Variants in NCKAP5 observed in about 807,000 individuals in gnomAD.
NCKAP5 encodes the protein NCK associated protein 5.
In NCKAP5, 92 loss-of-function variants were observed where a neutral mutation model predicts 167.0. That is an observed-to-expected ratio of 0.55 (90% confidence interval 0.47 to 0.66). NCKAP5 has a LOEUF of 0.66. Among genes scored for constraint, NCKAP5 ranks in the 30% least tolerant of loss-of-function variants. NCKAP5 has a pLI of 0.00. For synonymous variants in NCKAP5, 891 were observed against 877.4 expected (o/e 1.02, Z -0.27); for missense variants, 2,378 against 2,315.0 (o/e 1.03, Z -0.56).
intron 19 of NCKAP5, among the ~76,000 whole-genome samples, chr2:132,708,659 C>T (rs568535657): frequency 1.8e-4 from 27 of 152,280 alleles, no homozygotes; most frequent in East Asian, 9.7e-4. Flanking sequence ...GACACAAGCC[C>T]GGCTGGCTTC....
chr2:133,110,803 C>A (rs75241920), intron 6 of NCKAP5, among the ~76,000 whole-genome samples: 8,203 of 152,228 alleles, frequency 0.054, 233 homozygotes, highest in African/African-American at 0.06. Flanking sequence ...ATACCACAGA[C>A]TGGGGGGCTT....
At chr2:133,377,696 G>A (rs72989650) in intron 3 of NCKAP5, among the ~76,000 whole-genome samples, 7 of 152,310 alleles carry the variant, frequency 4.6e-5, no homozygotes, top group South Asian at 2.1e-4. Context: ...ACCACCTACC[G>A]TGTGCAAAGC....
At chr2:132,721,603 C>G (rs558686819) in intron 19 of NCKAP5, among the ~76,000 whole-genome samples, 7 of 152,318 alleles carry the variant, frequency 4.6e-5, no homozygotes, top group African/African-American at 1.7e-4. Context: ...TTGTCTTTCT[C>G]CTGTTTCTAT....
intron 19 of NCKAP5, among the ~76,000 whole-genome samples, chr2:132,684,221 G>A (rs10189227): frequency 0.028 from 4,242 of 152,292 alleles, 190 homozygotes; most frequent in African/African-American, 0.096. Flanking sequence ...TGTCTGCCCT[G>A]CATGGCTGTG....
At chr2:132,974,634 T>C (rs868358966) in intron 7 of NCKAP5, among the ~76,000 whole-genome samples, 10 of 152,208 alleles carry the variant, frequency 6.6e-5, no homozygotes, top group Non-Finnish European at 1.5e-4. Flanking sequence ...TTTTGGACTT[T>C]GACATGCATG....
intron 19 of NCKAP5, among the ~76,000 whole-genome samples, chr2:132,681,456 T>G (rs1685219364): frequency 6.6e-6 from 1 of 152,114 alleles, no homozygotes; most frequent in African/African-American, 2.4e-5. Flanking sequence ...GCTTGTAGCA[T>G]AAAAAGTCCG....
At chr2:133,470,642 G>A (rs1325976396) in intron 3 of NCKAP5, among the ~76,000 whole-genome samples, 1 of 152,214 alleles carries the variant, frequency 6.6e-6, no homozygotes, top group African/African-American at 2.4e-5. Flanking sequence ...ATCTCAGACT[G>A]CTGTGCTAGT....
At chr2:132,749,079 C>T (rs80332128) in intron 16 of NCKAP5, among the ~76,000 whole-genome samples, 2,789 of 152,138 alleles carry the variant, frequency 0.018, 82 homozygotes, top group African/African-American at 0.064. Context: ...GAAGTCGAGA[C>T]TTTTTGTCAG....
intron 3 of NCKAP5, among the ~76,000 whole-genome samples, chr2:133,353,672 G>T (rs1404831330): frequency 6.6e-6 from 1 of 152,116 alleles, no homozygotes; most frequent in African/African-American, 2.4e-5. Context: ...CAGATGAGGT[G>T]GTGAGAAAAG....
intron 3 of NCKAP5, among the ~76,000 whole-genome samples, chr2:133,406,413 G>A (rs1012770327): frequency 6.6e-6 from 1 of 152,154 alleles, no homozygotes; most frequent in African/African-American, 2.4e-5. Context: ...AACTGCAGTA[G>A]GTGAGAAGAG....
chr2:133,234,476 C>G (rs115318629), intron 4 of NCKAP5, among the ~76,000 whole-genome samples: 2,139 of 152,288 alleles, frequency 0.014, 54 homozygotes, highest in African/African-American at 0.049. Context: ...TACGGCAGAT[C>G]TAGGTCTCCA....
chr2:132,916,567 A>G (rs1694896166), intron 8 of NCKAP5, among the ~76,000 whole-genome samples: 2 of 152,096 alleles, frequency 1.3e-5, no homozygotes, highest in African/African-American at 4.8e-5. Flanking sequence ...TTTCTGTATT[A>G]ACTGTATAAA....
At chr2:133,204,116 A>G (rs1223973396) in intron 5 of NCKAP5, among the ~76,000 whole-genome samples, 1 of 152,194 alleles carries the variant, frequency 6.6e-6, no homozygotes, top group Non-Finnish European at 1.5e-5. Context: ...ATGAAAAAAC[A>G]TATTCTCTAA....
At chr2:132,790,232 AGGGCTTTG>A (rs748115030) in intron 12 of NCKAP5, 27 bp from the exon 13 acceptor site, 50 of 1,595,848 alleles carry the variant, frequency 3.1e-5, no homozygotes, top group Admixed American at 8.7e-5. Flanking sequence ...GCTCTGAGCA[AGGGCTTTG>A]CTCAGAGGAG....
chr2:133,558,406 G>A (rs1007666677), intron 2 of NCKAP5, among the ~76,000 whole-genome samples: 10 of 152,046 alleles, frequency 6.6e-5, no homozygotes, highest in African/African-American at 2.2e-4. Context: ...AAATGGTGTA[G>A]AGGGAAGAAC....
At chr2:133,393,453 T>G (rs896021627) in intron 3 of NCKAP5, among the ~76,000 whole-genome samples, 6 of 152,300 alleles carry the variant, frequency 3.9e-5, no homozygotes, top group African/African-American at 1.4e-4. Context: ...CACTGAAGTG[T>G]GAGCAACAGT....
chr2:133,552,804 G>C (rs933120661), intron 2 of NCKAP5, among the ~76,000 whole-genome samples: 1 of 151,748 alleles, frequency 6.6e-6, no homozygotes, highest in Non-Finnish European at 1.5e-5. Context: ...AGCCATGAGG[G>C]GGAAAGAAAG....
intron 8 of NCKAP5, among the ~76,000 whole-genome samples, chr2:132,959,071 A>ATAATATATTAATAAATATATTAT (rs2076429395): frequency 1.4e-5 from 2 of 146,518 alleles, no homozygotes; most frequent in African/African-American, 5.0e-5. Flanking sequence ...AAATATATTA[A>ATAATATATTAATAAATATATTAT]TAATATATTA....
At chr2:133,352,444 A>G (rs1410527252) in intron 3 of NCKAP5, among the ~76,000 whole-genome samples, 1 of 152,252 alleles carries the variant, frequency 6.6e-6, no homozygotes, top group Admixed American at 6.5e-5. Context: ...TCAGGGCAAG[A>G]GCTGTCCTCC....
Sources: allele counts gnomAD v4.1 joint callset (sites outside exome capture counted in the v4.1 genomes callset), GRCh38; gene constraint gnomAD v4.1.1; transcripts MANE v1.5; gene names NCBI Gene and HGNC (gene_info 2026-07-23, HGNC 2026-07-21).